NHSL2: variants seen among roughly 807,000 people sequenced by gnomAD.
The protein encoded by NHSL2 is NHS like 2, also known as NHS-like protein 2.
A neutral mutation model predicts 53.4 loss-of-function variants in NHSL2; 27 were observed. That is an observed-to-expected ratio of 0.51 (90% CI 0.37 to 0.70). The LOEUF (loss-of-function observed/expected upper bound fraction) is 0.70, where lower values mean the gene tolerates loss of function less well. Ranked by LOEUF, NHSL2 falls within the 30% of genes least tolerant of loss-of-function variation. The pLI, the probability that NHSL2 is intolerant of heterozygous loss-of-function variation, is 0.00. For missense variants in NHSL2, 892 were observed against 980.1 expected (o/e 0.91, Z 1.20); for synonymous variants, 408 against 404.1 (o/e 1.01, Z -0.12).
At chrX:72,088,778 G>T (rs1320022946) in intron 1 of NHSL2, among the ~76,000 whole-genome samples, 1 of 111,994 alleles carries the variant, frequency 8.9e-6, no homozygotes, top group Non-Finnish European at 1.9e-5. Context: ...AAAAAAGAAA[G>T]GAAAAAGTTC....
At chrX:71,990,683 G>A (rs1416000460) in intron 1 of NHSL2, among the ~76,000 whole-genome samples, 1 of 111,600 alleles carries the variant, frequency 9.0e-6, no homozygotes, top group Non-Finnish European at 1.9e-5. Flanking sequence ...CCACAACACT[G>A]GCCTGGCCCC....
intron 1 of NHSL2, among the ~76,000 whole-genome samples, chrX:71,979,406 G>A (rs145220605): frequency 0.15 from 16,503 of 110,107 alleles, 1,916 homozygotes; most frequent in African/African-American, 0.37. Context: ...ATTTCTCCAC[G>A]TCCTCTCCAG....
At chrX:72,119,686 T>C (rs967762262) in intron 1 of NHSL2, among the ~76,000 whole-genome samples, 3 of 112,517 alleles carry the variant, frequency 2.7e-5, no homozygotes, top group Admixed American at 9.4e-5. Flanking sequence ...CAAGATTATG[T>C]CATCTCTGCA....
chrX:72,094,653 A>G (rs1426189947), intron 1 of NHSL2, among the ~76,000 whole-genome samples: 2 of 111,067 alleles, frequency 1.8e-5, no homozygotes, highest in Non-Finnish European at 3.8e-5. Context: ...CCAATTCACT[A>G]AGAGCCCCTT....
chrX:72,064,247 T>G (rs1265106033), intron 1 of NHSL2, among the ~76,000 whole-genome samples: 1 of 111,750 alleles, frequency 8.9e-6, no homozygotes, highest in Non-Finnish European at 1.9e-5. Flanking sequence ...TACAGCCCAC[T>G]GGAGTCAGAG....
At chrX:71,945,809 G>A (rs2041789748) in intron 1 of NHSL2, among the ~76,000 whole-genome samples, 1 of 111,530 alleles carries the variant, frequency 9.0e-6, no homozygotes, top group South Asian at 3.8e-4. Flanking sequence ...CATTTATTGA[G>A]CGCTTACTGT....
intron 1 of NHSL2, among the ~76,000 whole-genome samples, chrX:72,117,514 A>G (rs1333324366): frequency 1.8e-5 from 2 of 109,491 alleles, no homozygotes; most frequent in Non-Finnish European, 3.8e-5. Flanking sequence ...AGAGTTGCAC[A>G]GCCATCACCA....
chrX:72,088,764 T>TA (rs1003282148), intron 1 of NHSL2, among the ~76,000 whole-genome samples: 3 of 110,366 alleles, frequency 2.7e-5, no homozygotes, highest in Non-Finnish European at 3.8e-5. Context: ...AAAATCATAA[T>TA]AAAAAAAAAG....
At chrX:71,987,196 G>C (rs1290391618) in intron 1 of NHSL2, among the ~76,000 whole-genome samples, 1 of 110,461 alleles carries the variant, frequency 9.1e-6, no homozygotes, top group Non-Finnish European at 1.9e-5. Context: ...GGGCGACAGA[G>C]CGAGACTCCG....
chrX:72,139,553 G>A lies in NHSL2; in HGVS notation c.2005G>A (p.Val669Ile). Residue 669 changes from valine (V) to isoleucine (I), a missense_variant, in exon 6 of 8, where the codon GTT (valine) becomes ATT (isoleucine). By Grantham distance (29) the Val-to-Ile change is conservative (BLOSUM62 3). Transcript: ENST00000633930. ...CACCACAGTCATTGAGTGCACCCAA[G>A]TTCAGGGCAGCTCAGAGTCTCTTGC... Reference protein sequence around the residue: ...TGTTVIECTQVQGSSESLASP... With the variant: ...TGTTVIECTQIQGSSESLASP... 1 of 1,211,090 alleles carries A rather than the reference G, an allele frequency of 8.3e-7. No homozygotes were observed. Among genetic ancestry groups the A allele is most frequent in the South Asian group, 1.8e-5 (1 of 56,836 alleles).
At chrX:72,140,866 T>G in intron 6 of NHSL2, 95 bp downstream of exon 6, 2 of 755,774 alleles carry the variant, frequency 2.6e-6, no homozygotes, top group Non-Finnish European at 3.8e-6. Context: ...CCCAGAATAA[T>G]TATCCTGATC....
At position 72,140,584 on chromosome X, in the gene NHSL2, C is replaced by T. The variant is rs778551644; in HGVS notation, c.3036C>T (p.Tyr1012=). ...TACCAAAAAAACCCAGCGTGCTGTA[C>T]CTGCCTCTCACTTCTCCCACAGCTC... is the stretch of plus-strand genomic sequence containing the variant. ...PPVPKKPSVL[Y]LPLTSPTAQM... is the part of the protein sequence containing the mutation. Residue 1012 remains tyrosine, a synonymous_variant, in exon 6 of 8, where the codon TAC becomes TAT. Coordinates refer to ENST00000633930, the MANE Select transcript of NHSL2 (RefSeq NM_001013627.3). 4.3e-5 allele frequency: 52 copies of T among 1,210,115 alleles called. No individual in the cohort carries two copies. The highest frequency in any genetic ancestry group is 5.5e-5 in the Non-Finnish European group (49 of 894,963).
At chrX:72,141,650 T>C (rs2042419396) in intron 6 of NHSL2, among the ~76,000 whole-genome samples, 1 of 112,381 alleles carries the variant, frequency 8.9e-6, no homozygotes, top group African/African-American at 3.2e-5. Context: ...TATTTGTCTT[T>C]TTGTGACTGG....
intron 1 of NHSL2, among the ~76,000 whole-genome samples, chrX:71,926,055 G>C (rs2041683445): frequency 8.9e-6 from 1 of 111,757 alleles, no homozygotes; most frequent in Non-Finnish European, 1.9e-5. Context: ...ATTAAAAAAA[G>C]AGTTAAAATG....
At chrX:71,949,814 A>G (rs61086289) in intron 1 of NHSL2, among the ~76,000 whole-genome samples, 6,918 of 112,778 alleles carry the variant, frequency 0.061, 532 homozygotes, top group African/African-American at 0.21. Context: ...GAAACTCGAA[A>G]TCCCCCCTCT....
intron 1 of NHSL2, among the ~76,000 whole-genome samples, chrX:71,919,684 C>T (rs1249077887): frequency 9.0e-6 from 1 of 111,533 alleles, no homozygotes; most frequent in Admixed American, 9.5e-5. Context: ...TTCACTGCCT[C>T]GCCAACCAAG....
intron 1 of NHSL2, chrX:72,131,601 C>G (rs1190222191): frequency 9.2e-7 from 1 of 1,084,634 alleles, no homozygotes; most frequent in Admixed American, 3.2e-5. Flanking sequence ...GAACTACGGG[C>G]GGCCGGAGGA....
At position 72,027,192 on chromosome X, in the gene NHSL2, G is replaced by C. The variant is rs956627612; in HGVS notation, c.281-104887G>C. ...CTTCCCACTACAGCCCTGTGGCTCTGACAGGGTCTCTCATGATATCCAGCA... is the reference window on the plus strand; with the variant it reads ...CTTCCCACTACAGCCCTGTGGCTCTCACAGGGTCTCTCATGATATCCAGCA... On this transcript the variant is annotated intron_variant, in intron 1 of 7. Coordinates refer to ENST00000633930, the MANE Select transcript of NHSL2 (RefSeq NM_001013627.3). 2.7e-5 allele frequency among the ~76,000 whole-genome samples: 3 copies of C among 112,354 alleles called. No homozygotes were observed. The East Asian group carries it at 8.4e-4, about 32-fold the overall frequency.
intron 1 of NHSL2, among the ~76,000 whole-genome samples, chrX:72,093,758 CTTT>C (rs2147448900): frequency 9.3e-6 from 1 of 107,096 alleles, no homozygotes; most frequent in African/African-American, 3.4e-5. Flanking sequence ...TTCTTTCTTT[CTTT>C]CTTTCTTTCT....
Sources: gnomAD v4.1 joint callset for allele counts (sites outside exome capture counted in the v4.1 genomes callset) on GRCh38, gnomAD v4.1.1 for gene constraint, MANE v1.5 for transcripts, NCBI Gene and HGNC (gene_info 2026-07-23, HGNC 2026-07-21) for gene names.